SLC16A13: variants seen among roughly 807,000 people sequenced by gnomAD.
SLC16A13 encodes solute carrier family 16 member 13, also known as monocarboxylate transporter 13.
SLC16A13 carries 28 observed loss-of-function variants against 28.1 expected under a neutral mutation model. The observed-to-expected ratio is 1.00, with a 90% CI of 0.74 to 1.37. The LOEUF (loss-of-function observed/expected upper bound fraction) is 1.37. Among genes scored for constraint, SLC16A13 ranks in the 40% most tolerant of loss-of-function variants. The pLI is 0.00. For synonymous variants in SLC16A13, 228 were observed against 241.6 expected (o/e 0.94, Z 0.52); for missense variants, 482 against 531.8 (o/e 0.91, Z 0.92).
chr17:7,039,020 C>A lies in SLC16A13; in HGVS notation c.1081+131C>A. On this transcript the variant is annotated intron_variant, in intron 3 of 3. Coordinates refer to ENST00000308027, the MANE Select transcript of SLC16A13 (RefSeq NM_201566.3). The surrounding 1 kb of genome is among the most constrained non-coding windows in gnomAD (Gnocchi z 4.3). ...ACAGTACACAGCCTGCGTGGCCAAC[C>A]ATAGCATCCCTGAAATGGGTCCATG... is the stretch of plus-strand genomic sequence containing the variant. 2 of 1,222,876 alleles carry A rather than the reference C, an allele frequency of 1.6e-6. No individual in the cohort carries two copies. Among genetic ancestry groups the A allele is most frequent in the Middle Eastern group, 2.6e-4 (1 of 3,910 alleles). 75.8% of individuals were successfully genotyped at this position (1,222,876 alleles called of 1,614,324 possible).
rs1402394527 is a variant in SLC16A13, at chr17:7,039,576, G to A, written c.1082-187G>A. On this transcript the variant is annotated intron_variant, in intron 3 of 3. Coordinates refer to ENST00000308027, the MANE Select transcript of SLC16A13 (RefSeq NM_201566.3). The surrounding 1 kb of genome is among the most constrained non-coding windows in gnomAD (Gnocchi z 4.3). ...GTTTGGAGGTCCTTTCTGAAGGCGGGGAGGTGGTTGAAATTAACTTTTGAG... is the reference window on the plus strand; with the variant it reads ...GTTTGGAGGTCCTTTCTGAAGGCGGAGAGGTGGTTGAAATTAACTTTTGAG... 1.3e-5 allele frequency among the ~76,000 whole-genome samples: 2 copies of A among 152,188 alleles called. No homozygotes were observed. The highest frequency in any genetic ancestry group is 2.4e-5 in the African/African-American group (1 of 41,452).
At chr17:7,037,830 C>T (rs763448479) in intron 2 of SLC16A13, among the ~76,000 whole-genome samples, 2 of 152,158 alleles carry the variant, frequency 1.3e-5, no homozygotes, top group Non-Finnish European at 2.9e-5. Flanking sequence ...TACAACTTGG[C>T]AAATGAAGGT....
chr17:7,039,671 G>A lies in SLC16A13; in HGVS notation c.1082-92G>A, dbSNP rs1043733175. On this transcript the variant is annotated intron_variant, in intron 3 of 3. Transcript: ENST00000308027. The surrounding 1 kb of genome is among the most constrained non-coding windows in gnomAD (Gnocchi z 4.3). ...ATGGGAGTTCCAACTCCTCTGAGAT[G>A]ATAAGTCTTCCCTCCACCCAAAAAT... The A allele has an allele frequency of 2.2e-6, 3 of 1,334,998 alleles. No homozygotes were observed. The highest frequency in any genetic ancestry group is 1.5e-5 in the African/African-American group (1 of 68,624). 82.7% of individuals were successfully genotyped at this position (1,334,998 alleles called of 1,614,324 possible).
rs777944689 is a variant in SLC16A13, at chr17:7,038,339, C to T, written c.531C>T (p.Ala177=). The part of the protein sequence containing the change: ...AWRGSLLLVS[A]LSLHLVACGA... ...GGGGGTCCCTGCTGCTGGTGTCTGCCCTCTCCCTCCACCTAGTGGCCTGTG... is the reference window on the plus strand; with the variant it reads ...GGGGGTCCCTGCTGCTGGTGTCTGCTCTCTCCCTCCACCTAGTGGCCTGTG... The change falls in exon 3 of 4, where the codon GCC becomes GCT. Residue 177 remains alanine (A), a synonymous_variant. Transcript: ENST00000308027. The surrounding 1 kb of genome is among the most constrained non-coding windows in gnomAD (Gnocchi z 5.7). The T allele has an allele frequency of 1.9e-6, 3 of 1,614,096 alleles. No homozygotes were observed. The highest frequency in any genetic ancestry group is 3.3e-5 in the Admixed American group (2 of 60,006).
rs756071925 is a variant in SLC16A13, at chr17:7,039,913, CACTAGAT to C, written c.1237_1243del (p.Asp413LysfsTer?). On this transcript the variant is annotated frameshift_variant, in exon 4 of 4. Coordinates refer to ENST00000308027, the MANE Select transcript of SLC16A13 (RefSeq NM_201566.3). LOFTEE classifies it high-confidence loss of function. This position sits in a 1 kb window ranked among gnomAD's most constrained non-coding sequence, Gnocchi z 4.3. Reference sequence around the variant, plus strand: ...GGGCCCCAGGACCTTGTAACAGAAGCACTAGATACTAAAGTTCCCCTACCCAAGGAGG... The same window carrying C: ...GGGCCCCAGGACCTTGTAACAGAAGCACTAAAGTTCCCCTACCCAAGGAGG... 47 of 1,613,966 alleles carry C rather than the reference CACTAGAT, an allele frequency of 2.9e-5. No individual in the cohort carries two copies. The African/African-American group carries it at 4.7e-4, about 16-fold the overall frequency.
Position 7,039,793 on chromosome 17 carries a change from C to T in SLC16A13, c.1112C>T (p.Thr371Met), listed in dbSNP as rs527263353. ...GYLRDVTGNYTASFVVAGAFL... is the reference protein window; with the variant it reads ...GYLRDVTGNYMASFVVAGAFL... Reference sequence around the variant, plus strand: ...CTCCGGGATGTGACAGGCAACTACACGGCTTCTTTTGTGGTGGCTGGGGCC... The same window carrying T: ...CTCCGGGATGTGACAGGCAACTACATGGCTTCTTTTGTGGTGGCTGGGGCC... The change falls in exon 4 of 4, where the codon ACG becomes ATG. Residue 371 changes from threonine to methionine, a missense_variant. By Grantham distance (81) the Thr-to-Met change is moderately conservative. Coordinates refer to ENST00000308027, the MANE Select transcript of SLC16A13 (RefSeq NM_201566.3). The surrounding 1 kb of genome is among the most constrained non-coding windows in gnomAD (Gnocchi z 4.3). 40 of 1,614,178 alleles carry T rather than the reference C, an allele frequency of 2.5e-5. No homozygotes were observed. Among genetic ancestry groups the T allele is most frequent in the African/African-American group, 5.3e-5 (4 of 75,050 alleles).
Position 7,036,306 on chromosome 17 carries a change from T to C in SLC16A13, c.-77T>C, listed in dbSNP as rs1597344141. On this transcript the variant is annotated 5_prime_UTR_variant, in exon 1 of 4. Transcript: ENST00000308027. ...GCCCCGAGCCACCCGGCAGCGGGGG[T>C]GGGTGTGCAGAGGTGCGGCGTCCAG... The C allele has an allele frequency of 7.1e-7, 1 of 1,413,130 alleles. No individual in the cohort carries two copies. 87.5% of individuals were successfully genotyped at this position (1,413,130 alleles called of 1,614,324 possible). A position where few individuals can be genotyped will look rare whatever the true frequency, so the allele number is the denominator to read the frequency against.
At chr17:7,036,677 G>C (rs781450312) in intron 1 of SLC16A13, 50 bp from the exon 2 acceptor site, 7 of 1,604,956 alleles carry the variant, frequency 4.4e-6, no homozygotes, top group African/African-American at 2.7e-5. Context: ...GGGAGATGCT[G>C]GGGGGGAGAC....
chr17:7,036,190 T>C lies in SLC16A13; in HGVS notation c.-193T>C. On this transcript the variant is annotated 5_prime_UTR_variant, in exon 1 of 4. Coordinates refer to ENST00000308027, the MANE Select transcript of SLC16A13 (RefSeq NM_201566.3). Reference sequence around the variant, plus strand: ...CGGCCAGCGCGGGCCAGGTCTTCAGTCCTATATCGCCCCGCCTTGGGAAAA... The same window carrying C: ...CGGCCAGCGCGGGCCAGGTCTTCAGCCCTATATCGCCCCGCCTTGGGAAAA... The C allele has an allele frequency of 1.7e-6, 1 of 601,774 alleles. No homozygotes were observed. The highest frequency in any genetic ancestry group is 2.9e-6 in the Non-Finnish European group (1 of 344,116). 37.3% of individuals were successfully genotyped at this position (601,774 alleles called of 1,614,324 possible).
Position 7,038,405 on chromosome 17 carries a change from T to C in SLC16A13, c.597T>C (p.Ala199=). ...LRPPSLAEDP[A]VGGPRAQLTS... is the part of the protein sequence containing the mutation. ...CACCCTCCCTGGCTGAGGACCCTGC[T>C]GTGGGTGGTCCCAGGGCCCAACTCA... Residue 199 remains alanine, a synonymous_variant, in exon 3 of 4, where the codon GCT becomes GCC. Transcript: ENST00000308027. The surrounding 1 kb of genome is among the most constrained non-coding windows in gnomAD (Gnocchi z 5.7). The C allele has an allele frequency of 6.2e-7, 1 of 1,614,164 alleles. No homozygotes were observed. Among genetic ancestry groups the C allele is most frequent in the Non-Finnish European group, 8.5e-7 (1 of 1,180,036 alleles).
rs1419893084 is a variant in SLC16A13, at chr17:7,037,275, G to A, written c.343+405G>A. Among the ~76,000 whole-genome samples the A allele has an allele frequency of 2.2e-5, 3 of 135,802 alleles. 1 individual carries two copies. Among genetic ancestry groups the A allele is most frequent in the Non-Finnish European group, 4.8e-5 (3 of 62,996 alleles). 89.1% of individuals were successfully genotyped at this position (135,802 alleles called of 152,430 possible). A position where few individuals can be genotyped will look rare whatever the true frequency, so the allele number is the denominator to read the frequency against. On this transcript the variant is annotated intron_variant, in intron 2 of 3. Transcript: ENST00000308027. ...GAGAATCGCTTGAACCCGGGAGGCGGAGGTTGCAGTGAGCCAAGATCGCAC... is the reference window on the plus strand; with the variant it reads ...GAGAATCGCTTGAACCCGGGAGGCGAAGGTTGCAGTGAGCCAAGATCGCAC...
At position 7,039,678 on chromosome 17, in the gene SLC16A13, C is replaced by A; in HGVS notation, c.1082-85C>A. 4 of 1,418,094 alleles carry A rather than the reference C, an allele frequency of 2.8e-6. No individual in the cohort carries two copies. Among genetic ancestry groups the A allele is most frequent in the Non-Finnish European group, 3.0e-6 (3 of 1,013,762 alleles). The allele number at this position is 1,418,094 out of a possible 1,614,324, so 87.8% of individuals were successfully genotyped here. On this transcript the variant is annotated intron_variant, in intron 3 of 3. Coordinates refer to ENST00000308027, the MANE Select transcript of SLC16A13 (RefSeq NM_201566.3). The surrounding 1 kb of genome is among the most constrained non-coding windows in gnomAD (Gnocchi z 4.3). ...TTCCAACTCCTCTGAGATGATAAGT[C>A]TTCCCTCCACCCAAAAATGTATCTG...
Position 7,036,319 on chromosome 17 carries a change from G to A in SLC16A13, c.-64G>A. ...CGGCAGCGGGGGTGGGTGTGCAGAG[G>A]TGCGGCGTCCAGAACCCGGCTCCTG... On this transcript the variant is annotated 5_prime_UTR_variant, in exon 1 of 4. In the 5' UTR this introduces an upstream ATG that the reference lacks. Coordinates refer to ENST00000308027, the MANE Select transcript of SLC16A13 (RefSeq NM_201566.3). 1 of 1,512,456 alleles carries A rather than the reference G, an allele frequency of 6.6e-7. No homozygotes were observed. Among genetic ancestry groups the A allele is most frequent in the Middle Eastern group, 2.5e-4 (1 of 4,028 alleles). The allele number at this position is 1,512,456 out of a possible 1,614,324, so 93.7% of individuals were successfully genotyped here.
chr17:7,036,627 A>T, intron 1 of SLC16A13, 46 bp downstream of exon 1: 52 of 1,610,286 alleles, frequency 3.2e-5, no homozygotes, highest in Non-Finnish European at 4.4e-5. Flanking sequence ...CTCGGAAGGG[A>T]GAGGGAATGC....
chr17:7,039,936 C>G lies in SLC16A13; in HGVS notation c.1255C>G (p.Pro419Ala), dbSNP rs766253112. 6.2e-7 allele frequency: 1 copy of G among 1,613,944 alleles called. No homozygotes were observed. The highest frequency in any genetic ancestry group is 1.7e-5 in the Admixed American group (1 of 60,012). Residue 419 changes from proline (P) to alanine (A), a missense_variant, in exon 4 of 4, where the codon CCC becomes GCC. Transcript: ENST00000308027. This position sits in a 1 kb window ranked among gnomAD's most constrained non-coding sequence, Gnocchi z 4.3. ...TEALDTKVPL[P>A]KEGLEED ...AGCACTAGATACTAAAGTTCCCCTA[C>G]CCAAGGAGGGGCTGGAAGAGGACTG...
In SLC16A13 at chr17:7,036,054, C is replaced by A; in HGVS notation, c.-329C>A. The A allele has an allele frequency of 3.9e-6, 1 of 258,148 alleles. No individual in the cohort carries two copies. The highest frequency in any genetic ancestry group is 7.5e-6 in the Non-Finnish European group (1 of 134,054). 16.0% of individuals were successfully genotyped at this position (258,148 alleles called of 1,614,324 possible). ...GCGCTCCAGGGGTGGGGCCCAAACT[C>A]AGTTCCACCCTCTGGCTCCCAGCCG... On this transcript the variant is annotated 5_prime_UTR_variant, in exon 1 of 4. Transcript: ENST00000308027.
Position 7,039,647 on chromosome 17 carries a change from T to C in SLC16A13, c.1082-116T>C. ...TTCTTAAGTTTATCCAACTATTCCA[T>C]GGGAGTTCCAACTCCTCTGAGATGA... On this transcript the variant is annotated intron_variant, in intron 3 of 3. Transcript: ENST00000308027. The surrounding 1 kb of genome is among the most constrained non-coding windows in gnomAD (Gnocchi z 4.3). The C allele has an allele frequency of 5.6e-6, 6 of 1,064,960 alleles. No individual in the cohort carries two copies. Among genetic ancestry groups the C allele is most frequent in the African/African-American group, 3.2e-5 (2 of 63,012 alleles). 66.0% of individuals were successfully genotyped at this position (1,064,960 alleles called of 1,614,324 possible). A position where few individuals can be genotyped will look rare whatever the true frequency, so the allele number is the denominator to read the frequency against.
chr17:7,036,895 G>T, intron 2 of SLC16A13, 25 bp downstream of exon 2: 1 of 1,608,008 alleles, frequency 6.2e-7, no homozygotes. Flanking sequence ...AAGGGCAGGA[G>T]AGTCAAATGC....
In SLC16A13 at chr17:7,036,432, T is replaced by G; in HGVS notation, c.50T>G (p.Val17Gly). 1 of 1,612,190 alleles carries G rather than the reference T, an allele frequency of 6.2e-7. No individual in the cohort carries two copies. ...PPDGGWGWVV[V>G]LSAFFQSALV... ...GACGGGGGCTGGGGATGGGTGGTGG[T>G]GCTCTCAGCGTTCTTCCAGTCGGCG... is the stretch of plus-strand genomic sequence containing the variant. The change falls in exon 1 of 4, where the codon GTG becomes GGG. Residue 17 changes from valine (V) to glycine (G), a missense_variant. Coordinates refer to ENST00000308027, the MANE Select transcript of SLC16A13 (RefSeq NM_201566.3).
Sources: gnomAD v4.1 joint callset for allele counts (sites outside exome capture counted in the v4.1 genomes callset) on GRCh38, gnomAD v4.1.1 for gene constraint, Gnocchi (gnomAD v3.1) non-coding constraint, MANE v1.5 for transcripts, NCBI Gene and HGNC (gene_info 2026-07-23, HGNC 2026-07-21) for gene names.